Variants in AGBL4 observed in about 807,000 individuals in gnomAD.
The protein encoded by AGBL4 is AGBL carboxypeptidase 4, also known as cytosolic carboxypeptidase 6.
A neutral mutation model predicts 66.4 loss-of-function variants in AGBL4; 58 were observed. That is an observed-to-expected ratio of 0.87 (90% CI 0.71 to 1.09). AGBL4 has a LOEUF of 1.09. Ranked by LOEUF, AGBL4 falls within the 50% of genes least tolerant of loss-of-function variation. AGBL4 has a pLI of 0.00. For synonymous variants in AGBL4, 234 were observed against 222.9 expected (o/e 1.05, Z -0.44); for missense variants, 579 against 631.0 (o/e 0.92, Z 0.88).
intron 4 of AGBL4, among the ~76,000 whole-genome samples, chr1:49,132,172 G>C (rs1185035099): frequency 2.0e-5 from 3 of 152,056 alleles, no homozygotes; most frequent in Non-Finnish European, 4.4e-5. Context: ...CATAAATTTA[G>C]GACAGTGTGG....
intron 3 of AGBL4, among the ~76,000 whole-genome samples, chr1:49,313,503 C>T (rs943792246): frequency 5.9e-5 from 9 of 152,048 alleles, no homozygotes; most frequent in African/African-American, 2.2e-4. Flanking sequence ...ATTGTAAAAG[C>T]GTTCCTATTT....
intron 9 of AGBL4, among the ~76,000 whole-genome samples, chr1:48,603,620 G>A (rs780836779): frequency 7.2e-5 from 11 of 152,090 alleles, no homozygotes; most frequent in East Asian, 3.9e-4. Context: ...CCTATAAAAC[G>A]GAAATAGAGA....
At chr1:49,680,434 C>T (rs545295622) in intron 3 of AGBL4, among the ~76,000 whole-genome samples, 1 of 151,888 alleles carries the variant, frequency 6.6e-6, no homozygotes, top group African/African-American at 2.4e-5. Context: ...ATTAGTTTTC[C>T]TTCATTCATC....
chr1:49,213,761 T>C (rs561378843), intron 4 of AGBL4, among the ~76,000 whole-genome samples: 12 of 152,238 alleles, frequency 7.9e-5, no homozygotes, highest in African/African-American at 2.9e-4. Flanking sequence ...ATTAAGAGGT[T>C]TGAGATCCGG....
At chr1:48,901,602 A>C (rs1652086105) in intron 5 of AGBL4, among the ~76,000 whole-genome samples, 1 of 152,180 alleles carries the variant, frequency 6.6e-6, no homozygotes, top group Non-Finnish European at 1.5e-5. Context: ...TTCTGAGTAA[A>C]AGAAGCCTGA....
At chr1:49,762,988 C>A (rs1167465214) in intron 2 of AGBL4, among the ~76,000 whole-genome samples, 1 of 152,136 alleles carries the variant, frequency 6.6e-6, no homozygotes, top group Non-Finnish European at 1.5e-5. Flanking sequence ...CTCCTGTTTT[C>A]TTCTAGTACT....
chr1:49,302,394 A>T (rs1026634458), intron 3 of AGBL4, among the ~76,000 whole-genome samples: 1 of 151,640 alleles, frequency 6.6e-6, no homozygotes, highest in African/African-American at 2.4e-5. Context: ...CTGGGACTAC[A>T]GGCATACACC....
intron 9 of AGBL4, among the ~76,000 whole-genome samples, chr1:48,618,334 C>A (rs556855435): frequency 2.6e-5 from 4 of 152,322 alleles, no homozygotes; most frequent in African/African-American, 7.2e-5. Flanking sequence ...ATAGTTATGA[C>A]AAGACCCACG....
chr1:49,947,652 C>T (rs1199118311), intron 1 of AGBL4, among the ~76,000 whole-genome samples: 4 of 151,472 alleles, frequency 2.6e-5, no homozygotes, highest in Non-Finnish European at 4.4e-5. Context: ...GATGCCCACT[C>T]TCACCACTTC....
chr1:49,579,367 T>C lies in AGBL4; in HGVS notation c.282+117946A>G, dbSNP rs915257389. Among the ~76,000 whole-genome samples, 123 of 152,194 alleles carry C rather than the reference T, an allele frequency of 8.1e-4. 1 individual carries two copies. Among genetic ancestry groups the C allele is most frequent in the African/African-American group, 2.9e-3 (119 of 41,460 alleles). On this transcript the variant is annotated intron_variant, in intron 3 of 13. Transcript: ENST00000371839. ...CCTAAGTCCTCTTGTTATTCCACTG[T>C]GGTCTATGCAGATACTTGGTATGAT...
chr1:48,804,669 C>G (rs759770531), intron 6 of AGBL4, among the ~76,000 whole-genome samples: 103 of 152,076 alleles, frequency 6.8e-4, no homozygotes, highest in Admixed American at 1.6e-3. Context: ...GGGAATCATT[C>G]CTGGAGGGGT....
chr1:48,809,157 T>C (rs1283453316), intron 6 of AGBL4, among the ~76,000 whole-genome samples: 4 of 152,134 alleles, frequency 2.6e-5, no homozygotes. Context: ...AGGGTGTGTG[T>C]CCCTGAGATT....
chr1:48,822,883 C>T lies in AGBL4; in HGVS notation c.634+44308G>A, dbSNP rs549245287. ...TTTTATAATTAGACTTCTATTAACA[C>T]AGACTTTGATCACATTGGCCTTTTT... On this transcript the variant is annotated intron_variant, in intron 6 of 13. Coordinates refer to ENST00000371839, the MANE Select transcript of AGBL4 (RefSeq NM_032785.4). 4.6e-5 allele frequency among the ~76,000 whole-genome samples: 7 copies of T among 152,304 alleles called. No homozygotes were observed. In the South Asian group the frequency reaches 1.5e-3, roughly 32 times the overall value.
At position 49,825,953 on chromosome 1, in the gene AGBL4, T is replaced by TA. The variant is rs557045411; in HGVS notation, c.157+25442dup. Reference sequence around the variant, plus strand: ...ACAAGGCCACCCATATAGTAAATAATAAAAAAAAACAAAACTTACAACCAG... The same window carrying TA: ...ACAAGGCCACCCATATAGTAAATAATAAAAAAAAAACAAAACTTACAACCAG... On this transcript the variant is annotated intron_variant, in intron 2 of 13. Transcript: ENST00000371839. Among the ~76,000 whole-genome samples, 264 of 150,310 alleles carry TA rather than the reference T, an allele frequency of 1.8e-3. 1 individual carries two copies. Among genetic ancestry groups the TA allele is most frequent in the Middle Eastern group, 6.8e-3 (2 of 292 alleles).
intron 2 of AGBL4, among the ~76,000 whole-genome samples, chr1:49,758,506 G>A (rs1322661367): frequency 6.6e-6 from 1 of 152,108 alleles, no homozygotes; most frequent in Non-Finnish European, 1.5e-5. Flanking sequence ...AGGGTCATGG[G>A]AGGCCACCTC....
intron 3 of AGBL4, among the ~76,000 whole-genome samples, chr1:49,254,902 C>G (rs571499384): frequency 6.6e-6 from 1 of 151,994 alleles, no homozygotes; most frequent in Non-Finnish European, 1.5e-5. Flanking sequence ...GACAAAAACA[C>G]GCAATGGGGA....
intron 4 of AGBL4, among the ~76,000 whole-genome samples, chr1:49,093,547 A>G (rs902948882): frequency 6.6e-6 from 1 of 152,198 alleles, no homozygotes; most frequent in Non-Finnish European, 1.5e-5. Context: ...CAGTGTAAGC[A>G]GTACTATAAA....
chr1:49,238,878 G>A (rs965012517), intron 4 of AGBL4, among the ~76,000 whole-genome samples: 1 of 152,090 alleles, frequency 6.6e-6, no homozygotes, highest in Non-Finnish European at 1.5e-5. Flanking sequence ...GTGGCAAAAA[G>A]GAAACCCACA....
chr1:49,901,120 G>A (rs1236329061), intron 1 of AGBL4, among the ~76,000 whole-genome samples: 2 of 152,110 alleles, frequency 1.3e-5, no homozygotes, highest in Non-Finnish European at 2.9e-5. Context: ...ATTCCACCTT[G>A]AACAGTGGAA....
Sources: allele counts gnomAD v4.1 joint callset (sites outside exome capture counted in the v4.1 genomes callset), GRCh38; gene constraint gnomAD v4.1.1; transcripts MANE v1.5; gene names NCBI Gene and HGNC (gene_info 2026-07-23, HGNC 2026-07-21).